Variants in GDPD5 observed in about 807,000 individuals in gnomAD.
GDPD5 encodes the protein glycerophosphodiester phosphodiesterase 2.
GDPD5 carries 48 observed loss-of-function variants against 75.1 expected under a neutral mutation model. That is an observed-to-expected ratio of 0.64 (90% CI 0.51 to 0.81). The LOEUF is 0.81. Among genes scored for constraint, GDPD5 ranks in the 40% least tolerant of loss-of-function variants. The pLI is 0.00. For synonymous variants in GDPD5, 336 were observed against 339.0 expected, an observed-to-expected ratio of 0.99 and a Z score of 0.10; for missense variants, 706 against 822.6, an observed-to-expected ratio of 0.86 and a Z score of 1.73.
intron 14 of GDPD5, among the ~76,000 whole-genome samples, chr11:75,440,603 T>C (rs2135144692): frequency 6.6e-6 from 1 of 152,344 alleles, no homozygotes; most frequent in Non-Finnish European, 1.5e-5. Context: ...TCTCACTTTG[T>C]CATCCAGGCT....
intron 2 of GDPD5, chr11:75,485,434 GGT>G (rs1950002261): frequency 1.3e-5 from 2 of 151,420 alleles, no homozygotes; most frequent in African/African-American, 4.9e-5. Flanking sequence ...GGCAGAGGAG[GGT>G]ATATGGAAAC....
At chr11:75,495,192 G>A (rs563708150) in intron 1 of GDPD5, among the ~76,000 whole-genome samples, 56 of 151,812 alleles carry the variant, frequency 3.7e-4, no homozygotes, top group African/African-American at 1.3e-3. Flanking sequence ...GCTTGAACCC[G>A]GAAGGTAGAG....
intron 2 of GDPD5, among the ~76,000 whole-genome samples, chr11:75,478,532 T>G (rs1419331856): frequency 1.3e-5 from 2 of 152,246 alleles, no homozygotes; most frequent in African/African-American, 4.8e-5. Flanking sequence ...CCTTCCCACA[T>G]TCTCAGCTTT....
intron 1 of GDPD5, among the ~76,000 whole-genome samples, chr11:75,499,225 T>G (rs1303601991): frequency 6.6e-6 from 1 of 151,974 alleles, no homozygotes. Flanking sequence ...GAACATGCAC[T>G]TGAATTGACG....
chr11:75,523,026 T>C (rs1339192198), intron 1 of GDPD5, among the ~76,000 whole-genome samples: 1 of 152,152 alleles, frequency 6.6e-6, no homozygotes, highest in Non-Finnish European at 1.5e-5. Context: ...CCTGCAACCA[T>C]ATCCTGCGTT....
chr11:75,451,675 T>C (rs578161554), intron 6 of GDPD5: 45 of 152,208 alleles, frequency 3.0e-4, no homozygotes, highest in African/African-American at 9.9e-4. Flanking sequence ...TCGTGGGAGG[T>C]GGCCCTGCAC....
intron 1 of GDPD5, among the ~76,000 whole-genome samples, chr11:75,496,288 C>T (rs1950207039): frequency 6.6e-6 from 1 of 152,248 alleles, no homozygotes. Flanking sequence ...GACACCTGGG[C>T]TGGCAAATCT....
chr11:75,481,876 T>C (rs1042642294), intron 2 of GDPD5, among the ~76,000 whole-genome samples: 5 of 152,166 alleles, frequency 3.3e-5, no homozygotes, highest in African/African-American at 1.2e-4. Context: ...ACTCAGGCTC[T>C]TCCCTGAGCC....
At chr11:75,457,894 C>T (rs1949324207) in intron 4 of GDPD5, 108 bp from the exon 5 acceptor site, 3 of 761,014 alleles carry the variant, frequency 3.9e-6, no homozygotes, top group South Asian at 3.4e-5. Context: ...GGCTCAGTGA[C>T]CAGGCTGTGC....
intron 1 of GDPD5, among the ~76,000 whole-genome samples, chr11:75,515,184 G>T (rs1950611159): frequency 6.6e-6 from 1 of 152,190 alleles, no homozygotes; most frequent in South Asian, 2.1e-4. Flanking sequence ...TTCCTTTCAG[G>T]AAGGAGAGGG....
chr11:75,456,817 C>T lies in GDPD5; in HGVS notation c.316-1G>A. ...CGGCAATGTGACATAGTGCCAGGAC[C>T]TGAGGAGGGACCCACAGGGTGATTG... On this transcript the variant is annotated splice_acceptor_variant, in intron 5 of 16. Transcript: ENST00000336898. LOFTEE classifies it high-confidence loss of function. 1 of 1,614,202 alleles carries T rather than the reference C, an allele frequency of 6.2e-7. No homozygotes were observed. The highest frequency in any genetic ancestry group is 8.5e-7 in the Non-Finnish European group (1 of 1,180,008).
rs368915669 is a variant in GDPD5 at position 75,449,506 on chromosome 11, G to A, written c.568+11C>T. On this transcript the variant is annotated intron_variant, in intron 8 of 16. Transcript: ENST00000336898. ...GGATTGGAGGGGCAGGCCCTTCACA[G>A]TTCTACTCACAGGTCCGCTCTGCGC... 1.3e-6 allele frequency: 2 copies of A among 1,560,536 alleles called. No homozygotes were observed. The highest frequency in any genetic ancestry group is 1.7e-6 in the Non-Finnish European group (2 of 1,151,112).
At chr11:75,505,501 T>G (rs1475298060) in intron 1 of GDPD5, among the ~76,000 whole-genome samples, 1 of 152,208 alleles carries the variant, frequency 6.6e-6, no homozygotes, top group Admixed American at 6.5e-5. Context: ...CCTGTTTTCC[T>G]GTCTGTACCA....
At chr11:75,449,227 G>A in intron 8 of GDPD5, 105 bp from the exon 9 acceptor site, 1 of 1,363,280 alleles carries the variant, frequency 7.3e-7, no homozygotes, top group Non-Finnish European at 1.0e-6. Flanking sequence ...GTGCTCTAGG[G>A]GGAAGCCCTT....
At chr11:75,460,682 A>G (rs1295035732) in intron 4 of GDPD5, among the ~76,000 whole-genome samples, 3 of 152,062 alleles carry the variant, frequency 2.0e-5, no homozygotes, top group African/African-American at 2.4e-5. Context: ...CTGGACTCAC[A>G]TGATCTGCCC....
At chr11:75,512,856 A>C (rs1950556199) in intron 1 of GDPD5, among the ~76,000 whole-genome samples, 1 of 152,210 alleles carries the variant, frequency 6.6e-6, no homozygotes, top group Non-Finnish European at 1.5e-5. Context: ...CAGAGGTTGC[A>C]GCCTGGGCAA....
chr11:75,453,349 T>G (rs1238290305), intron 6 of GDPD5, among the ~76,000 whole-genome samples: 2 of 152,202 alleles, frequency 1.3e-5, no homozygotes, highest in East Asian at 3.9e-4. Context: ...CCAGGCATGG[T>G]GGATCATGCC....
At chr11:75,489,392 G>A (rs1362446412) in intron 2 of GDPD5, among the ~76,000 whole-genome samples, 1 of 152,190 alleles carries the variant, frequency 6.6e-6, no homozygotes, top group Non-Finnish European at 1.5e-5. Context: ...AGAACCTGGG[G>A]CCTAAACTTT....
At chr11:75,521,005 A>G (rs1299020107) in intron 1 of GDPD5, among the ~76,000 whole-genome samples, 2 of 152,150 alleles carry the variant, frequency 1.3e-5, no homozygotes, top group Admixed American at 6.5e-5. Flanking sequence ...GCCAAAAATC[A>G]CAGCTGCCCG....
Sources: allele counts gnomAD v4.1 joint callset (sites outside exome capture counted in the v4.1 genomes callset), GRCh38; gene constraint gnomAD v4.1.1; transcripts MANE v1.5; gene names NCBI Gene and HGNC (gene_info 2026-07-23, HGNC 2026-07-21).